LARP1B: variants seen among roughly 807,000 people sequenced by gnomAD.
The protein encoded by LARP1B is La ribonucleoprotein 1B, also known as la-related protein 1B.
Under a neutral mutation model 114.2 loss-of-function variants are expected in LARP1B, and 76 were observed. The observed-to-expected ratio is 0.67, with a 90% CI of 0.55 to 0.81. The LOEUF (loss-of-function observed/expected upper bound fraction) is 0.81, where lower values mean the gene tolerates loss of function less well. Among genes scored for constraint, LARP1B ranks in the 30% least tolerant of loss-of-function variants. The pLI, the probability that LARP1B is intolerant of heterozygous loss-of-function variation, is 0.00. For missense variants in LARP1B, 1,014 were observed against 1,075.8 expected (o/e 0.94, Z 0.80); for synonymous variants, 345 against 348.0 (o/e 0.99, Z 0.10).
At chr4:128,125,556 C>G (rs1789292222) in intron 11 of LARP1B, among the ~76,000 whole-genome samples, 1 of 152,120 alleles carries the variant, frequency 6.6e-6, no homozygotes, top group South Asian at 2.1e-4. Flanking sequence ...GACCATCTGG[C>G]CAACATGATG....
intron 7 of LARP1B, 27 bp downstream of exon 7, chr4:128,091,539 C>G (rs148847214): frequency 1.3e-6 from 2 of 1,540,464 alleles, no homozygotes; most frequent in South Asian, 2.5e-5. Flanking sequence ...TGTAAGCAGA[C>G]GGGATAGCAA....
At chr4:128,196,599 GTT>G (rs943284890) in intron 15 of LARP1B, among the ~76,000 whole-genome samples, 2 of 144,148 alleles carry the variant, frequency 1.4e-5, no homozygotes, top group East Asian at 2.1e-4. Context: ...TTTGTTTTCT[GTT>G]TTTTTTTTTC....
rs1414320648 is a variant in LARP1B at position 128,065,327 on chromosome 4, CTCT to C, written c.-78+3927_-78+3929del. On this transcript the variant is annotated intron_variant, in intron 1 of 19. Coordinates refer to ENST00000326639, the MANE Select transcript of LARP1B (RefSeq NM_018078.4). ...TTTCTTTCTTTCTTTCTCTCTCTCTCTCTCTTTCCTTTCTTTTCTTTTCTTTTC... is the reference window on the plus strand; with the variant it reads ...TTTCTTTCTTTCTTTCTCTCTCTCTCCTTTCCTTTCTTTTCTTTTCTTTTC... 5.7e-4 allele frequency among the ~76,000 whole-genome samples: 65 copies of C among 113,346 alleles called. 3 individuals carry two copies. The highest frequency in any genetic ancestry group is 3.1e-3 in the South Asian group (10 of 3,202). 74.4% of individuals were successfully genotyped at this position (113,346 alleles called of 152,430 possible).
At chr4:128,214,546 A>G (rs1020603903), downstream of LARP1B, among the ~76,000 whole-genome samples, 29 of 152,016 alleles carry the variant, frequency 1.9e-4, no homozygotes, top group African/African-American at 6.8e-4. Flanking sequence ...GACACCTCAC[A>G]CGGCAGGGTA....
chr4:128,205,269 T>G (rs2150933048), intron 17 of LARP1B, among the ~76,000 whole-genome samples: 1 of 152,366 alleles, frequency 6.6e-6, no homozygotes, highest in Admixed American at 6.5e-5. Flanking sequence ...TAATATTATG[T>G]TAGCAGAATG....
rs1411839419 is a variant in LARP1B at position 128,156,044 on chromosome 4, A to G, written c.1525-6150A>G. On this transcript the variant is annotated intron_variant, in intron 11 of 19. Transcript: ENST00000326639. ...GAACCTGCGGCACTGCACACCCCCA[A>G]GCTCATGACCACACCCTCCCTAACT... 18 of 1,583,388 alleles carry G rather than the reference A, an allele frequency of 1.1e-5. No individual in the cohort carries two copies. In the East Asian group the frequency reaches 3.1e-4, roughly 27 times the overall value.
At chr4:128,105,272 A>G (rs1171360018) in intron 8 of LARP1B, among the ~76,000 whole-genome samples, 2 of 152,104 alleles carry the variant, frequency 1.3e-5, no homozygotes, top group East Asian at 1.9e-4. Context: ...TCTGATTTTC[A>G]TATCATAGAT....
chr4:128,114,207 A>G (rs1785053922), intron 9 of LARP1B, among the ~76,000 whole-genome samples: 1 of 152,188 alleles, frequency 6.6e-6, no homozygotes, highest in Non-Finnish European at 1.5e-5. Context: ...CTTAATAGCA[A>G]CTGAGATGCC....
chr4:128,184,105 C>T (rs759356252), intron 15 of LARP1B, among the ~76,000 whole-genome samples: 1 of 152,146 alleles, frequency 6.6e-6, no homozygotes, highest in Non-Finnish European at 1.5e-5. Flanking sequence ...GAAATGACAA[C>T]AACAGATTTA....
intron 11 of LARP1B, among the ~76,000 whole-genome samples, chr4:128,142,020 G>A (rs774179410): frequency 6.6e-5 from 10 of 152,160 alleles, no homozygotes; most frequent in South Asian, 2.1e-4. Flanking sequence ...ATCAGGAGAT[G>A]GCTGGCAGAC....
At position 128,211,079 on chromosome 4, in the gene LARP1B, G is replaced by A; in HGVS notation, c.*1026G>A. The stretch of plus-strand genomic sequence containing the variant: ...AATTTTTATTGCTATTACAACTGAT[G>A]TAAATGGTAGTTTCAGTTTTTGTGA... On this transcript the variant is annotated 3_prime_UTR_variant, in exon 20 of 20. Transcript: ENST00000326639. 1.1e-6 allele frequency: 1 copy of A among 897,726 alleles called. No individual in the cohort carries two copies. The highest frequency in any genetic ancestry group is 1.3e-6 in the Non-Finnish European group (1 of 750,428). 55.6% of individuals were successfully genotyped at this position (897,726 alleles called of 1,614,324 possible).
intron 8 of LARP1B, among the ~76,000 whole-genome samples, chr4:128,105,809 T>G (rs1269157430): frequency 6.6e-6 from 1 of 152,072 alleles, no homozygotes; most frequent in East Asian, 1.9e-4. Flanking sequence ...GAGAATTGCT[T>G]GAACTTGGGA....
intron 3 of LARP1B, among the ~76,000 whole-genome samples, chr4:128,075,667 C>T (rs987536878): frequency 3.3e-5 from 5 of 151,928 alleles, no homozygotes; most frequent in Admixed American, 1.3e-4. Context: ...CCACCTTTGC[C>T]TCCCAAGTGA....
chr4:128,216,587 T>G (rs1759491770), downstream of LARP1B, among the ~76,000 whole-genome samples: 1 of 150,648 alleles, frequency 6.6e-6, no homozygotes, highest in Admixed American at 6.7e-5. Flanking sequence ...AGATGTTCTT[T>G]GAAACCAACG....
chr4:128,204,844 G>A (rs1319215499), intron 17 of LARP1B, among the ~76,000 whole-genome samples: 1 of 145,102 alleles, frequency 6.9e-6, no homozygotes, highest in Non-Finnish European at 1.5e-5. Flanking sequence ...CACCCACTGT[G>A]TACCCACAAA....
chr4:128,075,426 A>G (rs1767425861), intron 3 of LARP1B, among the ~76,000 whole-genome samples: 1 of 152,108 alleles, frequency 6.6e-6, no homozygotes, highest in African/African-American at 2.4e-5. Context: ...AGAAGATTAC[A>G]TTTTGTTACT....
chr4:128,097,126 G>C (rs1778345953), intron 7 of LARP1B, among the ~76,000 whole-genome samples: 1 of 151,250 alleles, frequency 6.6e-6, no homozygotes, highest in African/African-American at 2.4e-5. Flanking sequence ...TTAAACTCCT[G>C]ACCTCAAGCG....
At chr4:128,064,649 T>C (rs1316639771) in intron 1 of LARP1B, among the ~76,000 whole-genome samples, 1 of 152,214 alleles carries the variant, frequency 6.6e-6, no homozygotes, top group Non-Finnish European at 1.5e-5. Flanking sequence ...TTATTTGCTG[T>C]TTCACCTCTC....
intron 12 of LARP1B, among the ~76,000 whole-genome samples, chr4:128,167,111 A>C (rs936760592): frequency 6.6e-6 from 1 of 151,224 alleles, no homozygotes; most frequent in African/African-American, 2.4e-5. Context: ...AAGTGGACTC[A>C]TACTTTAGTT....
Sources: allele counts gnomAD v4.1 joint callset (sites outside exome capture counted in the v4.1 genomes callset), GRCh38; gene constraint gnomAD v4.1.1; transcripts MANE v1.5; gene names NCBI Gene and HGNC (gene_info 2026-07-23, HGNC 2026-07-21).